Variants in DAAM1 observed in about 807,000 individuals in gnomAD.
DAAM1 encodes the protein disheveled-associated activator of morphogenesis 1.
Under a neutral mutation model 130.0 loss-of-function variants are expected in DAAM1, and 52 were observed. The observed-to-expected ratio is 0.40, with a 90% CI of 0.32 to 0.50. The LOEUF (loss-of-function observed/expected upper bound fraction) is 0.50, where lower values mean the gene tolerates loss of function less well. DAAM1 is among the 20% of genes least tolerant of loss of function. The pLI, the probability that DAAM1 is intolerant of heterozygous loss-of-function variation, is 0.61. For missense variants in DAAM1, 1,134 were observed against 1,303.8 expected, an observed-to-expected ratio of 0.87 and a Z score of 2.01; for synonymous variants, 452 against 444.5, an observed-to-expected ratio of 1.02 and a Z score of -0.21.
Position 59,321,917 on chromosome 14 carries a change from G to A in DAAM1, c.441-975G>A, listed in dbSNP as rs1040774562. 2.6e-5 allele frequency among the ~76,000 whole-genome samples: 4 copies of A among 152,096 alleles called. No individual in the cohort carries two copies. In the South Asian group the frequency reaches 8.3e-4, roughly 32 times the overall value. ...AGGTTATGTTACTTCTGAACTTTTC[G>A]GTGGCTTTAATATGTACATGTGCAT... On this transcript the variant is annotated intron_variant, in intron 5 of 24. Transcript: ENST00000360909.
chr14:59,338,316 A>G (rs1885705030), intron 15 of DAAM1: 9 of 1,511,830 alleles, frequency 6.0e-6, no homozygotes, highest in Non-Finnish European at 8.3e-6. Flanking sequence ...ACTTTCCCCC[A>G]TTTGTTGCTG....
chr14:59,359,491 G>C lies in DAAM1; in HGVS notation c.2620G>C (p.Ala874Pro). Reference protein sequence around the residue: ...LNEELRDIPQAAKVNMTELDK... With the variant: ...LNEELRDIPQPAKVNMTELDK... ...TGAAGAATTGCGAGATATTCCTCAAGCTGCGAAAGTAAAGTAAGTACTTAC... is the reference window on the plus strand; with the variant it reads ...TGAAGAATTGCGAGATATTCCTCAACCTGCGAAAGTAAAGTAAGTACTTAC... The change falls in exon 21 of 25, where the codon GCT (alanine) becomes CCT (proline). Residue 874 changes from alanine to proline, a missense_variant. Coordinates refer to ENST00000360909, the MANE Select transcript of DAAM1 (RefSeq NM_001270520.2). The C allele has an allele frequency of 6.2e-7, 1 of 1,613,118 alleles. No homozygotes were observed. Among genetic ancestry groups the C allele is most frequent in the Non-Finnish European group, 8.5e-7 (1 of 1,179,248 alleles).
intron 1 of DAAM1, among the ~76,000 whole-genome samples, chr14:59,246,653 T>C (rs1334585482): frequency 1.3e-5 from 2 of 152,176 alleles, no homozygotes; most frequent in African/African-American, 2.4e-5. Flanking sequence ...GTTGTTCCAC[T>C]TCATAATCCC....
intron 12 of DAAM1, among the ~76,000 whole-genome samples, chr14:59,327,398 G>GTTTTTTTTTTT (rs1338982717): frequency 2.3e-4 from 17 of 72,758 alleles, no homozygotes; most frequent in African/African-American, 6.7e-4. Flanking sequence ...AGGTCACTTG[G>GTTTTTTTTTTT]TTTCTTTTTT....
At chr14:59,309,604 T>A (rs1884501258) in intron 3 of DAAM1, among the ~76,000 whole-genome samples, 1 of 152,228 alleles carries the variant, frequency 6.6e-6, no homozygotes, top group Admixed American at 6.5e-5. Context: ...TCAAGTGTTC[T>A]CTGTGGCTGA....
intron 15 of DAAM1, among the ~76,000 whole-genome samples, chr14:59,336,935 TACAG>T (rs1885650392): frequency 6.6e-6 from 1 of 152,198 alleles, no homozygotes. Flanking sequence ...AACCACATTT[TACAG>T]ACAGATAGAC....
At chr14:59,257,712 C>G (rs1303706002) in intron 1 of DAAM1, among the ~76,000 whole-genome samples, 1 of 152,158 alleles carries the variant, frequency 6.6e-6, no homozygotes, top group African/African-American at 2.4e-5. Context: ...CTGGTCTGGA[C>G]CCTGCCATCT....
intron 22 of DAAM1, among the ~76,000 whole-genome samples, chr14:59,361,324 C>T (rs540877437): frequency 1.9e-4 from 29 of 152,210 alleles, no homozygotes; most frequent in African/African-American, 5.5e-4. Context: ...CTGAGGGTCA[C>T]GATGACTCAG....
rs146249982 is a variant in DAAM1, at chr14:59,371,397, G to A, written c.*2538G>A. 1.6e-4 allele frequency: 25 copies of A among 152,094 alleles called. No individual in the cohort carries two copies. The East Asian group carries it at 4.4e-3, about 27-fold the overall frequency. 9.4% of individuals were successfully genotyped at this position (152,094 alleles called of 1,614,324 possible). A position where few individuals can be genotyped will look rare whatever the true frequency, so the allele number is the denominator to read the frequency against. ...TATGCAATAAAGAGATGAATTCATT[G>A]GGTGTACATATATGCTTTCTATGAA... On this transcript the variant is annotated 3_prime_UTR_variant, in exon 25 of 25. Transcript: ENST00000360909.
intron 20 of DAAM1, among the ~76,000 whole-genome samples, chr14:59,357,521 GT>G (rs1886530298): frequency 6.6e-6 from 1 of 152,214 alleles, no homozygotes; most frequent in Non-Finnish European, 1.5e-5. Context: ...GCTCACACCT[GT>G]AATCCCAGCA....
At chr14:59,289,783 T>TATATATATAA (rs966292211) in intron 2 of DAAM1, among the ~76,000 whole-genome samples, 4 of 135,292 alleles carry the variant, frequency 3.0e-5, no homozygotes, top group Non-Finnish European at 5.0e-5. Context: ...TATATATATA[T>TATATATATAA]AATGGAATGC....
At chr14:59,304,619 C>G (rs933224050) in intron 3 of DAAM1, among the ~76,000 whole-genome samples, 1 of 152,166 alleles carries the variant, frequency 6.6e-6, no homozygotes, top group Non-Finnish European at 1.5e-5. Flanking sequence ...TTTTCAGTTT[C>G]TGAGAGGTAC....
intron 2 of DAAM1, among the ~76,000 whole-genome samples, chr14:59,274,326 T>A (rs1051136241): frequency 1.3e-5 from 2 of 152,188 alleles, no homozygotes; most frequent in African/African-American, 4.8e-5. Flanking sequence ...TATGTATATA[T>A]AACATAAATA....
intron 3 of DAAM1, among the ~76,000 whole-genome samples, chr14:59,304,785 T>C (rs1884311297): frequency 6.6e-6 from 1 of 152,218 alleles, no homozygotes; most frequent in South Asian, 2.1e-4. Flanking sequence ...CTAACTGTCC[T>C]CAGGGACAGT....
intron 2 of DAAM1, among the ~76,000 whole-genome samples, chr14:59,286,068 C>T (rs1340871942): frequency 6.6e-6 from 1 of 152,082 alleles, no homozygotes; most frequent in Non-Finnish European, 1.5e-5. Context: ...TCATACCAAT[C>T]ACACTCTTTG....
chr14:59,226,002 T>G (rs778355565), intron 1 of DAAM1, among the ~76,000 whole-genome samples: 30 of 152,138 alleles, frequency 2.0e-4, no homozygotes, highest in Admixed American at 1.2e-3. Flanking sequence ...TAAGAACAAC[T>G]CTAAGGAGTC....
At chr14:59,251,036 A>G (rs573041179) in intron 1 of DAAM1, among the ~76,000 whole-genome samples, 2 of 152,336 alleles carry the variant, frequency 1.3e-5, no homozygotes, top group East Asian at 1.9e-4. Flanking sequence ...AAAAATACCC[A>G]TGCCTGGGCC....
chr14:59,225,019 GTTTT>G (rs869233694), intron 1 of DAAM1, among the ~76,000 whole-genome samples: 16 of 90,806 alleles, frequency 1.8e-4, no homozygotes, highest in Non-Finnish European at 2.3e-4. Context: ...ATCTGTGTGG[GTTTT>G]TTTTTTTTTT....
intron 16 of DAAM1, among the ~76,000 whole-genome samples, chr14:59,346,831 T>C (rs1280356561): frequency 6.6e-6 from 1 of 152,216 alleles, no homozygotes; most frequent in Non-Finnish European, 1.5e-5. Flanking sequence ...TTTATGTTGA[T>C]GGTAGACAGA....
Sources: allele counts gnomAD v4.1 joint callset (sites outside exome capture counted in the v4.1 genomes callset), GRCh38; gene constraint gnomAD v4.1.1; transcripts MANE v1.5; gene names NCBI Gene and HGNC (gene_info 2026-07-23, HGNC 2026-07-21).